Variants in MBNL1 observed in about 807,000 individuals in gnomAD.
MBNL1 encodes the protein muscleblind like splicing regulator 1, also known as muscleblind-like protein 1.
MBNL1 carries 8 observed loss-of-function variants against 42.2 expected under a neutral mutation model. That is an observed-to-expected ratio of 0.19 (90% CI 0.11 to 0.34). The LOEUF is 0.34. Among genes scored for constraint, MBNL1 ranks in the 10% least tolerant of loss-of-function variants. The pLI, the probability that MBNL1 is intolerant of heterozygous loss-of-function variation, is 1.00. For synonymous variants in MBNL1, 169 were observed against 173.9 expected (o/e 0.97, Z 0.22); for missense variants, 309 against 495.3 (o/e 0.62, Z 3.57).
chr3:152,355,562 GT>G (rs1330370712), intron 2 of MBNL1, among the ~76,000 whole-genome samples: 15 of 152,046 alleles, frequency 9.9e-5, no homozygotes, highest in Non-Finnish European at 1.5e-5. Context: ...TAACATTTAA[GT>G]TTTATAAGAT....
chr3:152,403,618 G>A (rs1408466531), intron 2 of MBNL1, among the ~76,000 whole-genome samples: 1 of 152,074 alleles, frequency 6.6e-6, no homozygotes, highest in Admixed American at 6.6e-5. Context: ...AGCTATTTGG[G>A]GAACTGCCCT....
chr3:152,421,614 G>C (rs951238353), intron 3 of MBNL1, among the ~76,000 whole-genome samples: 1 of 152,052 alleles, frequency 6.6e-6, no homozygotes, highest in Non-Finnish European at 1.5e-5. Context: ...TATACTCCTC[G>C]AGAAGAGCAA....
Position 152,376,770 on chromosome 3 carries a change from C to T in MBNL1, c.175-38171C>T, listed in dbSNP as rs1334878753. Among the ~76,000 whole-genome samples the T allele has an allele frequency of 6.0e-5, 9 of 150,422 alleles. No homozygotes were observed. In the East Asian group the frequency reaches 1.8e-3, roughly 30 times the overall value. On this transcript the variant is annotated intron_variant, in intron 2 of 9. Coordinates refer to ENST00000324210, the MANE Select transcript of MBNL1 (RefSeq NM_021038.5). The stretch of plus-strand genomic sequence containing the variant: ...TGAGCTGAGGGGTGCCACGCACTCT[C>T]TCTATATATATACGCACACACACAC...
intron 3 of MBNL1, among the ~76,000 whole-genome samples, chr3:152,431,149 T>A (rs533866021): frequency 1.3e-5 from 2 of 152,294 alleles, no homozygotes; most frequent in South Asian, 4.1e-4. Context: ...AGTATTGACT[T>A]TTGGGGCTGG....
intron 1 of MBNL1, among the ~76,000 whole-genome samples, chr3:152,293,420 A>G (rs1168911049): frequency 6.6e-6 from 1 of 152,226 alleles, no homozygotes; most frequent in Non-Finnish European, 1.5e-5. Context: ...TTGTATATGG[A>G]AATCTCTGTT....
intron 2 of MBNL1, among the ~76,000 whole-genome samples, chr3:152,312,650 T>G (rs1466908309): frequency 6.6e-6 from 1 of 152,182 alleles, no homozygotes; most frequent in African/African-American, 2.4e-5. Context: ...TTATATAGAT[T>G]CAAACTTGGT....
intron 1 of MBNL1, among the ~76,000 whole-genome samples, chr3:152,287,482 A>AT (rs2053222159): frequency 6.6e-6 from 1 of 152,166 alleles, no homozygotes; most frequent in African/African-American, 2.4e-5. Flanking sequence ...TAAGAATAAT[A>AT]TTTTAGCCTT....
At chr3:152,253,948 T>C (rs1485787778) in intron 2 of MBNL1, among the ~76,000 whole-genome samples, 1 of 152,168 alleles carries the variant, frequency 6.6e-6, no homozygotes, top group Admixed American at 6.6e-5. Context: ...CAATTATTTG[T>C]TATCTGTTCC....
At chr3:152,321,318 T>C (rs2076350908) in intron 2 of MBNL1, among the ~76,000 whole-genome samples, 1 of 152,142 alleles carries the variant, frequency 6.6e-6, no homozygotes, top group African/African-American at 2.4e-5. Context: ...CACTTGAGCA[T>C]TGTGATATGT....
intron 2 of MBNL1, among the ~76,000 whole-genome samples, chr3:152,403,710 C>CT (rs1009744289): frequency 6.6e-5 from 10 of 151,752 alleles, no homozygotes; most frequent in East Asian, 1.9e-4. Flanking sequence ...TGTGATACTG[C>CT]TTTTTTTTGC....
chr3:152,456,806 A>G (rs1734665407), intron 8 of MBNL1, among the ~76,000 whole-genome samples: 1 of 152,214 alleles, frequency 6.6e-6, no homozygotes, highest in Admixed American at 6.5e-5. Context: ...GCCACAAATG[A>G]CCACTCTTGT....
At chr3:152,421,633 CAT>C (rs543563123) in intron 3 of MBNL1, among the ~76,000 whole-genome samples, 1 of 152,130 alleles carries the variant, frequency 6.6e-6, no homozygotes, top group Non-Finnish European at 1.5e-5. Context: ...AACCCCAAGA[CAT>C]ATAATCGTCA....
intron 2 of MBNL1, among the ~76,000 whole-genome samples, chr3:152,357,319 G>A (rs1234472402): frequency 6.6e-6 from 1 of 152,148 alleles, no homozygotes. Context: ...ATCTTTGAAC[G>A]GACTTTTTAC....
intron 3 of MBNL1, among the ~76,000 whole-genome samples, chr3:152,420,055 T>C (rs892960861): frequency 6.6e-6 from 1 of 152,200 alleles, no homozygotes; most frequent in African/African-American, 2.4e-5. Flanking sequence ...GCTGCCTCTC[T>C]AGATTCTTTC....
chr3:152,245,128 G>A (rs947709334), intron 2 of MBNL1, among the ~76,000 whole-genome samples: 2 of 151,854 alleles, frequency 1.3e-5, no homozygotes, highest in Admixed American at 6.6e-5. Context: ...TAAGACATTT[G>A]GTTTGATAAT....
At chr3:152,360,832 A>G (rs1220554946) in intron 2 of MBNL1, among the ~76,000 whole-genome samples, 1 of 152,200 alleles carries the variant, frequency 6.6e-6, no homozygotes, top group Non-Finnish European at 1.5e-5. Context: ...TTTAAAGGAA[A>G]TAAGTTGTGC....
chr3:152,359,593 G>C (rs2095793589), intron 2 of MBNL1, among the ~76,000 whole-genome samples: 1 of 152,212 alleles, frequency 6.6e-6, no homozygotes, highest in Non-Finnish European at 1.5e-5. Context: ...TTGCCAGCCA[G>C]TGTAAGCTGG....
At chr3:152,324,328 A>G (rs114036055) in intron 2 of MBNL1, among the ~76,000 whole-genome samples, 577 of 152,292 alleles carry the variant, frequency 3.8e-3, no homozygotes, top group African/African-American at 0.013. Flanking sequence ...TGCAAACAAG[A>G]GAGATAGCAG....
At chr3:152,279,162 C>A (rs2046967401) in intron 1 of MBNL1, among the ~76,000 whole-genome samples, 1 of 151,968 alleles carries the variant, frequency 6.6e-6, no homozygotes, top group Non-Finnish European at 1.5e-5. Context: ...TGAGGCCTTG[C>A]TAGCTTATGT....
Sources: gnomAD v4.1 joint callset for allele counts (sites outside exome capture counted in the v4.1 genomes callset) on GRCh38, gnomAD v4.1.1 for gene constraint, MANE v1.5 for transcripts, NCBI Gene and HGNC (gene_info 2026-07-23, HGNC 2026-07-21) for gene names.